Variants in FBXW10B observed in about 807,000 individuals in gnomAD.
FBXW10B encodes the protein F-box and WD repeat domain containing 10B, also known as F-box and WD repeat domain containing protein 10B.
chr17:15,598,495 G>A, the FBXW10B span: 4 of 1,613,460 alleles, frequency 2.5e-6, no homozygotes, highest in Non-Finnish European at 3.4e-6. Flanking sequence ...TGGGTCGGGG[G>A]AAACTTCTTA....
the FBXW10B span, among the ~76,000 whole-genome samples, chr17:15,601,049 C>CA: frequency 7.8e-4 from 22 of 28,260 alleles, 3 homozygotes; most frequent in Non-Finnish European, 1.3e-3. Context: ...GACTCCATCT[C>CA]AAAAAAAAAA....
chr17:15,569,677 C>T, the FBXW10B span, among the ~76,000 whole-genome samples: 3 of 151,736 alleles, frequency 2.0e-5, no homozygotes, highest in African/African-American at 7.3e-5. Context: ...TCAAGCGTTT[C>T]TCCTGCCTCG....
At chr17:15,596,211 GA>G in the FBXW10B span, among the ~76,000 whole-genome samples, 1 of 151,880 alleles carries the variant, frequency 6.6e-6, no homozygotes, top group Non-Finnish European at 1.5e-5. Context: ...CTCTGGAGGA[GA>G]AAAAGGTACT....
the FBXW10B span, among the ~76,000 whole-genome samples, chr17:15,600,818 G>C: frequency 6.6e-6 from 1 of 151,956 alleles, no homozygotes; most frequent in Non-Finnish European, 1.5e-5. Context: ...GGTAGGCCGA[G>C]GTGGGCAGAT....
chr17:15,567,043 G>A, the FBXW10B span, among the ~76,000 whole-genome samples: 18 of 151,308 alleles, frequency 1.2e-4, no homozygotes, highest in East Asian at 2.0e-4. Context: ...AGACCCAGGC[G>A]GGTGGATCAC....
At chr17:15,600,215 CAAA>C in the FBXW10B span, among the ~76,000 whole-genome samples, 706 of 120,948 alleles carry the variant, frequency 5.8e-3, 1 homozygote, top group South Asian at 0.02. Flanking sequence ...GACTCTGTCT[CAAA>C]AAAAAAAAAA....
chr17:15,589,655 T>A, the FBXW10B span, among the ~76,000 whole-genome samples: 1 of 152,146 alleles, frequency 6.6e-6, no homozygotes, highest in East Asian at 1.9e-4. Flanking sequence ...TGAAAATAGC[T>A]CATTTTTACC....
At chr17:15,568,571 C>T in the FBXW10B span, among the ~76,000 whole-genome samples, 2 of 151,206 alleles carry the variant, frequency 1.3e-5, no homozygotes, top group Non-Finnish European at 3.0e-5. Flanking sequence ...TTTGGTGGTC[C>T]TTAATCTCCT....
At chr17:15,571,429 C>T in the FBXW10B span, 10 of 151,784 alleles carry the variant, frequency 6.6e-5, no homozygotes, top group South Asian at 2.1e-4. Flanking sequence ...AGATTTTCAA[C>T]GTCAGTAATC....
chr17:15,578,098 C>T, the FBXW10B span, among the ~76,000 whole-genome samples: 2 of 151,814 alleles, frequency 1.3e-5, no homozygotes, highest in East Asian at 1.9e-4. Context: ...GGCAAGGGGG[C>T]CAATTCTAGG....
At chr17:15,567,163 T>C in the FBXW10B span, among the ~76,000 whole-genome samples, 3 of 150,904 alleles carry the variant, frequency 2.0e-5, no homozygotes, top group East Asian at 4.0e-4. Context: ...TCCTAGCTAC[T>C]CAGGAGGCTG....
At chr17:15,586,805 A>G in the FBXW10B span, among the ~76,000 whole-genome samples, 6 of 151,688 alleles carry the variant, frequency 4.0e-5, no homozygotes, top group Admixed American at 2.6e-4. Flanking sequence ...CAGGAGGTTA[A>G]TAGACAGTAG....
At chr17:15,584,848 G>A in the FBXW10B span, among the ~76,000 whole-genome samples, 7 of 152,080 alleles carry the variant, frequency 4.6e-5, no homozygotes, top group Non-Finnish European at 1.0e-4. Flanking sequence ...ACATAAAATG[G>A]CCTATCTCAA....
At chr17:15,594,529 A>T in the FBXW10B span, 1 of 648,666 alleles carries the variant, frequency 1.5e-6, no homozygotes, top group Non-Finnish European at 2.5e-6. Flanking sequence ...TAGTTACTTC[A>T]CAAGAAAAAC....
the FBXW10B span, among the ~76,000 whole-genome samples, chr17:15,600,831 C>T: frequency 6.6e-6 from 1 of 151,792 alleles, no homozygotes; most frequent in Non-Finnish European, 1.5e-5. Flanking sequence ...GGGCAGATCA[C>T]GAGGTCAGGA....
At chr17:15,579,146 A>AAAATAAAT in the FBXW10B span, among the ~76,000 whole-genome samples, 2,193 of 144,840 alleles carry the variant, frequency 0.015, 185 homozygotes, top group African/African-American at 0.056. Flanking sequence ...CCCATTTCTT[A>AAAATAAAT]AAATAAATAA....
At chr17:15,618,671 A>G in the FBXW10B span, among the ~76,000 whole-genome samples, 1 of 152,128 alleles carries the variant, frequency 6.6e-6, no homozygotes, top group Non-Finnish European at 1.5e-5. Flanking sequence ...TCCAATCCCT[A>G]AAGCAGGAAC....
At chr17:15,604,684 G>A in the FBXW10B span, among the ~76,000 whole-genome samples, 9 of 152,044 alleles carry the variant, frequency 5.9e-5, no homozygotes, top group Non-Finnish European at 1.2e-4. Flanking sequence ...ACAGGTGCCC[G>A]CCACCACGCC....
chr17:15,596,567 A>G, the FBXW10B span: 2 of 1,612,272 alleles, frequency 1.2e-6, no homozygotes, highest in Non-Finnish European at 1.7e-6. Context: ...CCTCGCTCAC[A>G]GCTGCTCACA....
Sources: allele counts gnomAD v4.1 joint callset (sites outside exome capture counted in the v4.1 genomes callset), GRCh38; gene constraint gnomAD v4.1.1; transcripts MANE v1.5; gene names NCBI Gene and HGNC (gene_info 2026-07-23, HGNC 2026-07-21).